The following GRAMD4 variants were observed in gnomAD, a reference collection of about 807,000 sequenced individuals.
GRAMD4 encodes the protein GRAM domain-containing protein 4.
In GRAMD4, 25 loss-of-function variants were observed where a neutral mutation model predicts 83.9. The observed-to-expected ratio is 0.30, with a 90% CI of 0.22 to 0.42. GRAMD4 has a LOEUF of 0.42. GRAMD4 is among the 10% of genes least tolerant of loss of function. The probability of loss-of-function intolerance (pLI) is 1.00; values close to 1 mark genes in which losing one functional copy is unlikely to be tolerated. For synonymous variants in GRAMD4, 336 were observed against 320.9 expected (o/e 1.05, Z -0.50); for missense variants, 593 against 788.7 (o/e 0.75, Z 2.97).
intron 1 of GRAMD4, among the ~76,000 whole-genome samples, chr22:46,582,930 C>G (rs1299612655): frequency 6.6e-6 from 1 of 152,196 alleles, no homozygotes; most frequent in Admixed American, 6.5e-5. Flanking sequence ...CTTTCTCTCT[C>G]TTTTGTCTTT....
At chr22:46,620,228 G>A (rs1044644259), upstream of GRAMD4, 19 of 797,976 alleles carry the variant, frequency 2.4e-5, no homozygotes, top group African/African-American at 1.3e-4. The surrounding 1 kb of genome is among the most constrained non-coding windows in gnomAD (Gnocchi z 4.7). Context: ...GCAATTCAGC[G>A]GTTTCCAGAG....
rs41279839 is a variant in GRAMD4, at chr22:46,677,670, A to G, written c.*419A>G. On this transcript the variant is annotated 3_prime_UTR_variant, in exon 19 of 19. Coordinates refer to ENST00000406902, the MANE Select transcript of GRAMD4 (RefSeq NM_015124.5). ...CAGAAGCTCGTCCACCACCAAAGCCATAGCTGAAGAGTGCGGGGCCCTTCC... is the reference window on the plus strand; with the variant it reads ...CAGAAGCTCGTCCACCACCAAAGCCGTAGCTGAAGAGTGCGGGGCCCTTCC... 0.017 allele frequency: 16,520 copies of G among 993,732 alleles called. 155 individuals are homozygous for G. The highest frequency in any genetic ancestry group is 0.02 in the Middle Eastern group (39 of 1,944). 61.6% of individuals were successfully genotyped at this position (993,732 alleles called of 1,614,324 possible). A position where few individuals can be genotyped will look rare whatever the true frequency, so the allele number is the denominator to read the frequency against.
chr22:46,599,257 C>T (rs1299103411), intron 1 of GRAMD4, among the ~76,000 whole-genome samples: 1 of 152,104 alleles, frequency 6.6e-6, no homozygotes, highest in Non-Finnish European at 1.5e-5. Context: ...ACGCAATTTG[C>T]AGATGGCTCG....
chr22:46,587,383 C>G (rs1289527388), intron 1 of GRAMD4, among the ~76,000 whole-genome samples: 2 of 152,108 alleles, frequency 1.3e-5, no homozygotes, highest in Admixed American at 6.5e-5. Flanking sequence ...GAAGTCTGTT[C>G]CAAAAGCCCA....
At chr22:46,635,086 AG>A (rs2081840553) in intron 2 of GRAMD4, among the ~76,000 whole-genome samples, 2 of 109,808 alleles carry the variant, frequency 1.8e-5, no homozygotes, top group African/African-American at 3.0e-5. Flanking sequence ...TGTCTTGGGG[AG>A]CCGTGTCCTC....
At chr22:46,680,595 C>A (rs2082659181), downstream of GRAMD4, among the ~76,000 whole-genome samples, 1 of 144,112 alleles carries the variant, frequency 6.9e-6, no homozygotes, top group African/African-American at 2.5e-5. Context: ...TCCATCCATC[C>A]ACCCACCCAT....
intron 1 of GRAMD4, among the ~76,000 whole-genome samples, chr22:46,584,343 C>T (rs1040834122): frequency 8.5e-5 from 13 of 152,138 alleles, no homozygotes; most frequent in Admixed American, 2.6e-4. Context: ...AGGAAATGCA[C>T]GTGTGAGCTG....
intron 1 of GRAMD4, among the ~76,000 whole-genome samples, chr22:46,607,738 G>T (rs2081379448): frequency 6.6e-6 from 1 of 152,192 alleles, no homozygotes; most frequent in Non-Finnish European, 1.5e-5. Context: ...TCCACGCTGT[G>T]CTCGGAATGG....
intron 1 of GRAMD4, among the ~76,000 whole-genome samples, chr22:46,614,861 A>ACGTAGGTTCCCCTGTGCG (rs2081456250): frequency 2.1e-4 from 2 of 9,662 alleles, no homozygotes; most frequent in African/African-American, 7.3e-4. Flanking sequence ...TCCCCTGTGC[A>ACGTAGGTTCCCCTGTGCG]TGTAGGTTCC....
intron 7 of GRAMD4, 21 bp downstream of exon 7, chr22:46,663,884 G>A (rs780469684): frequency 8.1e-6 from 13 of 1,612,818 alleles, no homozygotes; most frequent in Middle Eastern, 1.7e-4. Context: ...GCGGCTCTGC[G>A]TGGCGCCCAC....
At chr22:46,667,884 G>A (rs2082434322) in intron 10 of GRAMD4, among the ~76,000 whole-genome samples, 1 of 152,214 alleles carries the variant, frequency 6.6e-6, no homozygotes, top group Non-Finnish European at 1.5e-5. Flanking sequence ...CACTCCTGTT[G>A]TGCACCCAGA....
chr22:46,582,100 G>A (rs1001349954), intron 1 of GRAMD4, among the ~76,000 whole-genome samples: 1 of 152,220 alleles, frequency 6.6e-6, no homozygotes, highest in Admixed American at 6.5e-5. Context: ...GGAGGCCATG[G>A]GTGGTCGAGG....
At chr22:46,674,112 C>T (rs2082557945) in intron 15 of GRAMD4, among the ~76,000 whole-genome samples, 1 of 152,252 alleles carries the variant, frequency 6.6e-6, no homozygotes, top group Non-Finnish European at 1.5e-5. Context: ...GCCTCAGGGC[C>T]TGCAGGGCGC....
intron 3 of GRAMD4, among the ~76,000 whole-genome samples, chr22:46,642,878 C>T (rs1282268276): frequency 6.6e-6 from 1 of 150,988 alleles, no homozygotes; most frequent in Non-Finnish European, 1.5e-5. Flanking sequence ...GTCTGTCTGC[C>T]TCTCTTATCT....
chr22:46,626,921 C>T lies in GRAMD4; in HGVS notation c.122C>T (p.Pro41Leu), dbSNP rs1476912584. Residue 41 changes from proline (P) to leucine (L), a missense_variant, in exon 2 of 19, where the codon CCG becomes CTG. Physicochemically the swap from Pro to Leu is moderately conservative, Grantham distance 98 (BLOSUM62 -3). Transcript: ENST00000406902. ...ECSDEIPLKV[P>L]RTSPRDSEEL... The stretch of plus-strand genomic sequence containing the variant: ...AGCGACGAAATCCCCCTGAAGGTAC[C>T]GCGGACCTCGCCCCGGGACAGCGAG... 1 of 1,614,124 alleles carries T rather than the reference C, an allele frequency of 6.2e-7. No homozygotes were observed. The highest frequency in any genetic ancestry group is 8.5e-7 in the Non-Finnish European group (1 of 1,179,976).
chr22:46,647,276 G>C (rs1175922144), intron 3 of GRAMD4, among the ~76,000 whole-genome samples: 2 of 152,182 alleles, frequency 1.3e-5, no homozygotes. Flanking sequence ...AATTTCCCTA[G>C]GAAAAAATGA....
upstream of GRAMD4, among the ~76,000 whole-genome samples, chr22:46,615,603 A>G (rs1372057344): frequency 2.4e-5 from 2 of 81,644 alleles, no homozygotes; most frequent in South Asian, 1.0e-3. Flanking sequence ...CCCCGTGTGT[A>G]GGTTCCCCGT....
At chr22:46,633,777 AT>A (rs2081814172) in intron 2 of GRAMD4, among the ~76,000 whole-genome samples, 1 of 151,960 alleles carries the variant, frequency 6.6e-6, no homozygotes, top group Non-Finnish European at 1.5e-5. Context: ...CAGGGTGTCC[AT>A]GGGGTGTAGG....
At chr22:46,586,623 G>C (rs922749744) in intron 1 of GRAMD4, among the ~76,000 whole-genome samples, 2 of 152,254 alleles carry the variant, frequency 1.3e-5, no homozygotes, top group African/African-American at 2.4e-5. Flanking sequence ...GAAGGAGCCA[G>C]GTATCCTACT....
Sources: gnomAD v4.1 joint callset for allele counts (sites outside exome capture counted in the v4.1 genomes callset) on GRCh38, gnomAD v4.1.1 for gene constraint, Gnocchi (gnomAD v3.1) non-coding constraint, MANE v1.5 for transcripts, NCBI Gene and HGNC (gene_info 2026-07-23, HGNC 2026-07-21) for gene names.